Variants in KMT2C observed in about 807,000 individuals in gnomAD.
The protein encoded by KMT2C is lysine methyltransferase 2C, also known as histone-lysine N-methyltransferase 2C.
Under a neutral mutation model 507.9 loss-of-function variants are expected in KMT2C, and 88 were observed. The observed-to-expected ratio is 0.17, with a 90% CI of 0.15 to 0.21. KMT2C has a LOEUF of 0.21. Ranked by LOEUF, KMT2C falls within the 10% of genes least tolerant of loss-of-function variation. The probability of loss-of-function intolerance (pLI) is 1.00; values close to 1 mark genes in which losing one functional copy is unlikely to be tolerated. For synonymous variants in KMT2C, 2,049 were observed against 2,080.8 expected (o/e 0.98, Z 0.42); for missense variants, 4,954 against 5,957.8 (o/e 0.83, Z 5.55).
At chr7:152,178,652 G>C (rs1472701490) in intron 37 of KMT2C, among the ~76,000 whole-genome samples, 1 of 152,076 alleles carries the variant, frequency 6.6e-6, no homozygotes, top group East Asian at 1.9e-4. Flanking sequence ...TTATAACAAG[G>C]TGGAAGAAAA....
At chr7:152,417,879 TCATCCACCCACCTCGG>T (rs1286401149) in intron 1 of KMT2C, among the ~76,000 whole-genome samples, 1 of 148,946 alleles carries the variant, frequency 6.7e-6, no homozygotes, top group East Asian at 2.0e-4. Flanking sequence ...CTTCACCTCG[TCATCCACCCACCTCGG>T]CCTCCCAAAG....
intron 22 of KMT2C, among the ~76,000 whole-genome samples, 162 bp from the exon 23 acceptor site, chr7:152,220,897 AAACTATG>A (rs1468919777): frequency 1.3e-5 from 2 of 152,226 alleles, no homozygotes; most frequent in Non-Finnish European, 2.9e-5. Flanking sequence ...TACCCAATAA[AAACTATG>A]AACAATAGGT....
chr7:152,148,196 A>G lies in KMT2C; in HGVS notation c.13731T>C (p.Pro4577=), dbSNP rs2091327801. The change falls in exon 52 of 59, where the codon CCT becomes CCC. Residue 4577 remains proline, a synonymous_variant. Transcript: ENST00000262189. The surrounding 1 kb of genome is among the most constrained non-coding windows in gnomAD (Gnocchi z 7.1). ...ACAGCCGGCTGGCTTCATAGCCCAC[A>G]GGGAAGAGTGCTTTAGGAGAATGGA... ...QAFHSPKALF[P]VGYEASRLYW... The G allele has an allele frequency of 3.1e-6, 5 of 1,614,116 alleles. No individual in the cohort carries two copies. Among genetic ancestry groups the G allele is most frequent in the Non-Finnish European group, 4.2e-6 (5 of 1,180,032 alleles).
chr7:152,334,718 C>T (rs1040317968), intron 2 of KMT2C, among the ~76,000 whole-genome samples: 2 of 152,104 alleles, frequency 1.3e-5, no homozygotes, highest in Admixed American at 6.5e-5. Flanking sequence ...GCAACCCAGT[C>T]GCAATGCTGC....
At chr7:152,222,238 G>A (rs564589534) in intron 21 of KMT2C, among the ~76,000 whole-genome samples, 172 bp from the exon 22 acceptor site, 43 of 152,156 alleles carry the variant, frequency 2.8e-4, no homozygotes, top group African/African-American at 8.9e-4. Context: ...AAGTGATGAA[G>A]GAAATACTCA....
At chr7:152,297,043 AAGAAAGAAAGACAG>A (rs1157379137) in intron 6 of KMT2C, among the ~76,000 whole-genome samples, 7 of 83,404 alleles carry the variant, frequency 8.4e-5, no homozygotes, top group African/African-American at 1.5e-4. Context: ...GAAAGAAAGA[AAGAAAGAAAGACAG>A]AGAGAGAGAG....
chr7:152,164,309 A>G (rs1384557082), intron 42 of KMT2C, among the ~76,000 whole-genome samples: 12 of 140,488 alleles, frequency 8.5e-5, no homozygotes, highest in Non-Finnish European at 3.0e-5. Flanking sequence ...TTTTTTTTTG[A>G]GACGGAGTCT....
In KMT2C at chr7:152,187,825, G is replaced by C; in HGVS notation, c.4683C>G (p.Leu1561=). ...GACTGGATCCAATAAGGCCATTCATGAGAGGCATCCGTGAAAAAGCATCTT... is the reference window on the plus strand; with the variant it reads ...GACTGGATCCAATAAGGCCATTCATCAGAGGCATCCGTGAAAAAGCATCTT... ...HNQDAFSRMP[L]MNGLIGSSPH... Residue 1561 remains leucine (L), a synonymous_variant, in exon 32 of 59, where the codon CTC becomes CTG. Coordinates refer to ENST00000262189, the MANE Select transcript of KMT2C (RefSeq NM_170606.3). 6.2e-7 allele frequency: 1 copy of C among 1,613,506 alleles called. No homozygotes were observed. The highest frequency in any genetic ancestry group is 8.5e-7 in the Non-Finnish European group (1 of 1,179,802).
chr7:152,259,479 C>T (rs1416917632), intron 9 of KMT2C, among the ~76,000 whole-genome samples: 2 of 149,332 alleles, frequency 1.3e-5, no homozygotes, highest in Non-Finnish European at 3.0e-5. Flanking sequence ...CACACACACA[C>T]ACACACACAC....
intron 1 of KMT2C, among the ~76,000 whole-genome samples, chr7:152,385,191 A>G (rs201679222): frequency 6.6e-6 from 1 of 151,492 alleles, no homozygotes; most frequent in South Asian, 2.1e-4. Flanking sequence ...TCCTGACTAC[A>G]GGAACTCTAC....
At position 152,224,137 on chromosome 7, in the gene KMT2C, T is replaced by C. The variant is rs558390131; in HGVS notation, c.3201A>G (p.Leu1067=). The C allele has an allele frequency of 2.5e-6, 4 of 1,607,150 alleles. No individual in the cohort carries two copies. The highest frequency in any genetic ancestry group is 2.2e-5 in the East Asian group (1 of 44,844). The change falls in exon 20 of 59, where the codon CTA becomes CTG. Residue 1067 remains leucine (L), a synonymous_variant. Coordinates refer to ENST00000262189, the MANE Select transcript of KMT2C (RefSeq NM_170606.3). ...CRHCGATSAG[L]RCEWQNNYTQ... ...TGTAATTGTTCTGCCATTCACATCTTAGACCTGCAGATGTTGCTCCACAGT... is the reference window on the plus strand; with the variant it reads ...TGTAATTGTTCTGCCATTCACATCTCAGACCTGCAGATGTTGCTCCACAGT...
Position 152,205,196 on chromosome 7 carries a change from T to C in KMT2C, c.3871A>G (p.Ser1291Gly). The change falls in exon 25 of 59, where the codon AGT becomes GGT. Residue 1291 changes from serine to glycine, a missense_variant. Ser to Gly is a moderately conservative substitution (Grantham distance 56). Coordinates refer to ENST00000262189, the MANE Select transcript of KMT2C (RefSeq NM_170606.3). ...GIGGFMVRQR[S>G]RTGQGKTKRS... ...TTGGTTTTCCCTTGCCCAGTTCGACTTCTTTGCCGCACCATAAATCCACCA... is the reference window on the plus strand; with the variant it reads ...TTGGTTTTCCCTTGCCCAGTTCGACCTCTTTGCCGCACCATAAATCCACCA... 6.2e-7 allele frequency: 1 copy of C among 1,611,364 alleles called. No homozygotes were observed. Among genetic ancestry groups the C allele is most frequent in the Non-Finnish European group, 8.5e-7 (1 of 1,178,784 alleles).
At chr7:152,333,691 T>C (rs745465792) in intron 2 of KMT2C, among the ~76,000 whole-genome samples, 17 of 152,202 alleles carry the variant, frequency 1.1e-4, no homozygotes, top group Non-Finnish European at 2.4e-4. Context: ...TTTAGAAAAG[T>C]ATTTTGAAAA....
chr7:152,360,232 C>G lies in KMT2C; in HGVS notation c.162-1557G>C, dbSNP rs538739383. ...GTAACTCACGCCTGTAATCCTAGTA[C>G]TTTGGGAGGCCGAGGTGGGTGGATC... On this transcript the variant is annotated intron_variant, in intron 1 of 58. Coordinates refer to ENST00000262189, the MANE Select transcript of KMT2C (RefSeq NM_170606.3). Among the ~76,000 whole-genome samples, 5 of 152,184 alleles carry G rather than the reference C, an allele frequency of 3.3e-5. No homozygotes were observed. In the East Asian group the frequency reaches 9.7e-4, roughly 29 times the overall value.
At chr7:152,205,395 CAAAA>C (rs35077313) in intron 24 of KMT2C, among the ~76,000 whole-genome samples, 170 bp from the exon 25 acceptor site, 7 of 57,186 alleles carry the variant, frequency 1.2e-4, no homozygotes, top group African/African-American at 3.0e-4. Context: ...TAAAAACGAC[CAAAA>C]AAAAAAAAAA....
In KMT2C at chr7:152,162,056, C is replaced by T. The variant is rs1422737103; in HGVS notation, c.11460+61G>A. 5 of 1,461,666 alleles carry T rather than the reference C, an allele frequency of 3.4e-6. No individual in the cohort carries two copies. The East Asian group carries it at 1.2e-4, about 34-fold the overall frequency. The allele number at this position is 1,461,666 out of a possible 1,614,324, so 90.5% of individuals were successfully genotyped here. A position where few individuals can be genotyped will look rare whatever the true frequency, so the allele number is the denominator to read the frequency against. ...TGGAAATACAGTTGCTGGTACTAAT[C>T]TGCTGTAAGTATAATTTAAAACAAA... On this transcript the variant is annotated intron_variant, in intron 43 of 58. Coordinates refer to ENST00000262189, the MANE Select transcript of KMT2C (RefSeq NM_170606.3).
chr7:152,232,656 ATTT>A lies in KMT2C; in HGVS notation c.2770-2338_2770-2336del, dbSNP rs376138093. Among the ~76,000 whole-genome samples, 3 of 151,994 alleles carry A rather than the reference ATTT, an allele frequency of 2.0e-5. No individual in the cohort carries two copies. In the East Asian group the frequency reaches 5.8e-4, roughly 29 times the overall value. On this transcript the variant is annotated intron_variant, in intron 16 of 58. Transcript: ENST00000262189. The stretch of plus-strand genomic sequence containing the variant: ...ATTCTGATCTACCTATAATGCTTTA[ATTT>A]TTTTTAATAGAGAAAATGTATTGAT...
intron 1 of KMT2C, among the ~76,000 whole-genome samples, chr7:152,378,009 T>C (rs2097342648): frequency 6.6e-6 from 1 of 152,180 alleles, no homozygotes; most frequent in Admixed American, 6.5e-5. Flanking sequence ...TGTGACTGGA[T>C]TGCTGCAATC....
intron 3 of KMT2C, among the ~76,000 whole-genome samples, chr7:152,317,935 C>T (rs896477467): frequency 1.4e-4 from 21 of 151,816 alleles, no homozygotes; most frequent in African/African-American, 3.9e-4. Flanking sequence ...GTCTGGAGTT[C>T]GAGACCAGCC....
Sources: gnomAD v4.1 joint callset for allele counts (sites outside exome capture counted in the v4.1 genomes callset) on GRCh38, gnomAD v4.1.1 for gene constraint, Gnocchi (gnomAD v3.1) non-coding constraint, MANE v1.5 for transcripts, NCBI Gene and HGNC (gene_info 2026-07-23, HGNC 2026-07-21) for gene names.